MFHAS1: variants seen among roughly 807,000 people sequenced by gnomAD.
The protein encoded by MFHAS1 is malignant fibrous histiocytoma-amplified sequence 1.
In MFHAS1, 50 loss-of-function variants were observed where a neutral mutation model predicts 70.4. The ratio of observed to expected loss-of-function variants is 0.71; its 90% confidence interval spans 0.57 to 0.90. The LOEUF (loss-of-function observed/expected upper bound fraction) is 0.90, where lower values mean the gene tolerates loss of function less well. Ranked by LOEUF, MFHAS1 falls within the 40% of genes least tolerant of loss-of-function variation. The pLI, the probability that MFHAS1 is intolerant of heterozygous loss-of-function variation, is 0.00. For synonymous variants in MFHAS1, 952 were observed against 620.0 expected (o/e 1.54, Z -7.96); for missense variants, 1,795 against 1,347.6 (o/e 1.33, Z -5.20).
chr8:8,809,199 G>A (rs543644956), intron 1 of MFHAS1, among the ~76,000 whole-genome samples: 1 of 152,100 alleles, frequency 6.6e-6, no homozygotes, highest in Non-Finnish European at 1.5e-5. Context: ...CCACATTATA[G>A]TGAGTTGTAT....
chr8:8,853,994 G>C (rs1420333069), intron 1 of MFHAS1, among the ~76,000 whole-genome samples: 1 of 152,172 alleles, frequency 6.6e-6, no homozygotes, highest in Non-Finnish European at 1.5e-5. Flanking sequence ...CCAACTCCAT[G>C]AACACCTTGA....
In MFHAS1 at chr8:8,837,605, T is replaced by G. The variant is rs571386455; in HGVS notation, c.2999-40114A>C. ...TTGCAGTGAGCCAAGATCGCGCCACTGCACTCCAGCCTGGGCGACAGAGTG... is the reference window on the plus strand; with the variant it reads ...TTGCAGTGAGCCAAGATCGCGCCACGGCACTCCAGCCTGGGCGACAGAGTG... On this transcript the variant is annotated intron_variant, in intron 1 of 2. Coordinates refer to ENST00000276282, the MANE Select transcript of MFHAS1 (RefSeq NM_004225.3). 4.0e-5 allele frequency among the ~76,000 whole-genome samples: 6 copies of G among 151,394 alleles called. No homozygotes were observed. In the East Asian group the frequency reaches 5.8e-4, roughly 15 times the overall value.
intron 1 of MFHAS1, among the ~76,000 whole-genome samples, chr8:8,880,207 A>G (rs1406850190): frequency 6.6e-6 from 1 of 152,122 alleles, no homozygotes; most frequent in African/African-American, 2.4e-5. Context: ...CCCTACTCTT[A>G]AGTTACACCT....
chr8:8,852,754 C>G (rs1349874254), intron 1 of MFHAS1, among the ~76,000 whole-genome samples: 1 of 152,082 alleles, frequency 6.6e-6, no homozygotes, highest in Non-Finnish European at 1.5e-5. Flanking sequence ...TAGGGCACAG[C>G]CAAGAGAAAG....
At chr8:8,812,920 C>G (rs1032495988) in intron 1 of MFHAS1, among the ~76,000 whole-genome samples, 1 of 152,176 alleles carries the variant, frequency 6.6e-6, no homozygotes, top group East Asian at 1.9e-4. Context: ...GCGTGCACCA[C>G]CACGCCCAAC....
intron 2 of MFHAS1, among the ~76,000 whole-genome samples, chr8:8,787,368 CTG>C (rs1805589349): frequency 6.6e-6 from 1 of 152,188 alleles, no homozygotes; most frequent in Non-Finnish European, 1.5e-5. Flanking sequence ...GTGTGAGCCA[CTG>C]CGCCCGGCCT....
At chr8:8,884,041 A>AACACACACACACAC in intron 1 of MFHAS1, among the ~76,000 whole-genome samples, 2 of 134,178 alleles carry the variant, frequency 1.5e-5, no homozygotes, top group South Asian at 2.6e-4. Flanking sequence ...CTATTTCACA[A>AACACACACACACAC]ACACACACAC....
Position 8,818,401 on chromosome 8 carries a change from C to T in MFHAS1, c.2999-20910G>A, listed in dbSNP as rs186874742. Among the ~76,000 whole-genome samples, 10 of 152,302 alleles carry T rather than the reference C, an allele frequency of 6.6e-5. No individual in the cohort carries two copies. The East Asian group carries it at 1.7e-3, about 26-fold the overall frequency. On this transcript the variant is annotated intron_variant, in intron 1 of 2. Transcript: ENST00000276282. ...ATGCATCCCCAGATCCTTCACAAAG[C>T]AAGAGCTACAGAGATTTCTATTTTT...
rs766559867 is a variant in MFHAS1, at chr8:8,890,899, C to A, written c.2160G>T (p.Pro720=). 6.2e-6 allele frequency: 10 copies of A among 1,614,070 alleles called. No homozygotes were observed. The Admixed American group carries it at 1.0e-4, about 16-fold the overall frequency. Residue 720 remains proline (P), a synonymous_variant, in exon 1 of 3, where the codon CCG becomes CCT. Transcript: ENST00000276282. The stretch of plus-strand genomic sequence containing the variant: ...TGTGGAAGACGTGCTCCTTGAGAGC[C>A]GGACTGTCCTCAAAGTAGAGTAGCT... ...SGKLLYFEDS[P]ALKEHVFHNL...
At chr8:8,801,993 G>C (rs763311953) in intron 1 of MFHAS1, among the ~76,000 whole-genome samples, 1 of 152,234 alleles carries the variant, frequency 6.6e-6, no homozygotes, top group Non-Finnish European at 1.5e-5. Flanking sequence ...AGAACGATGC[G>C]TGCACTTTAC....
intron 1 of MFHAS1, among the ~76,000 whole-genome samples, chr8:8,842,859 T>C (rs1247483163): frequency 6.6e-6 from 1 of 152,238 alleles, no homozygotes; most frequent in Non-Finnish European, 1.5e-5. Context: ...ATGCTCATAG[T>C]GCTCCCTGTG....
At chr8:8,799,657 G>T (rs1488406771) in intron 1 of MFHAS1, among the ~76,000 whole-genome samples, 1 of 152,322 alleles carries the variant, frequency 6.6e-6, no homozygotes, top group Admixed American at 6.5e-5. Context: ...TCGGGAGGCT[G>T]AGGCATGAGA....
chr8:8,871,531 CAG>C (rs1198894617), intron 1 of MFHAS1, among the ~76,000 whole-genome samples: 2 of 152,224 alleles, frequency 1.3e-5, no homozygotes, highest in African/African-American at 4.8e-5. Context: ...GCCTGGGCAA[CAG>C]AGTGATCACA....
At chr8:8,828,673 G>A (rs1166932825) in intron 1 of MFHAS1, among the ~76,000 whole-genome samples, 1 of 152,204 alleles carries the variant, frequency 6.6e-6, no homozygotes, top group Non-Finnish European at 1.5e-5. Flanking sequence ...AATAACTGGA[G>A]ATGCCCACTG....
At chr8:8,837,262 G>C (rs368157223) in intron 1 of MFHAS1, among the ~76,000 whole-genome samples, 10 of 152,140 alleles carry the variant, frequency 6.6e-5, no homozygotes, top group African/African-American at 1.9e-4. Context: ...ATCCTTGCTG[G>C]GCTTTCAAGT....
At position 8,789,437 on chromosome 8, in the gene MFHAS1, T is replaced by C. The variant is rs147673667; in HGVS notation, c.3126-3382A>G. Among the ~76,000 whole-genome samples, 102 of 152,134 alleles carry C rather than the reference T, an allele frequency of 6.7e-4. No individual in the cohort carries two copies. In the South Asian group the frequency reaches 7.0e-3, roughly 11 times the overall value. ...TCCAGGGATGATGCCACGTGAGACATTGGAAACAGAGGTCTGGGGCTGAAG... is the reference window on the plus strand; with the variant it reads ...TCCAGGGATGATGCCACGTGAGACACTGGAAACAGAGGTCTGGGGCTGAAG... On this transcript the variant is annotated intron_variant, in intron 2 of 2. Coordinates refer to ENST00000276282, the MANE Select transcript of MFHAS1 (RefSeq NM_004225.3).
intron 1 of MFHAS1, among the ~76,000 whole-genome samples, chr8:8,833,383 T>C (rs953789240): frequency 5.3e-5 from 8 of 152,056 alleles, no homozygotes; most frequent in African/African-American, 1.9e-4. Flanking sequence ...AATCCTAACA[T>C]ATGGAGAGGC....
chr8:8,854,537 T>TTTTGTTTGTAAACTC (rs1808360958), intron 1 of MFHAS1, among the ~76,000 whole-genome samples: 1 of 140,300 alleles, frequency 7.1e-6, no homozygotes, highest in African/African-American at 2.7e-5. Context: ...AAAAAAAAAT[T>TTTTGTTTGTAAACTC]AGCCAGGTGA....
At chr8:8,794,082 T>G (rs371051490) in intron 2 of MFHAS1, among the ~76,000 whole-genome samples, 6 of 151,922 alleles carry the variant, frequency 3.9e-5, no homozygotes, top group Admixed American at 3.9e-4. Flanking sequence ...CCTAGCTACT[T>G]AGGAGGCTGA....
Sources: gnomAD v4.1 joint callset for allele counts (sites outside exome capture counted in the v4.1 genomes callset) on GRCh38, gnomAD v4.1.1 for gene constraint, MANE v1.5 for transcripts, NCBI Gene and HGNC (gene_info 2026-07-23, HGNC 2026-07-21) for gene names.